The following SORCS2 variants were observed in gnomAD, a reference collection of about 807,000 sequenced individuals.
SORCS2 encodes VPS10 domain-containing receptor SorCS2.
SORCS2 carries 100 observed loss-of-function variants against 141.6 expected under a neutral mutation model. The observed-to-expected ratio is 0.71, with a 90% CI of 0.60 to 0.83. The LOEUF is 0.83. Ranked by LOEUF, SORCS2 falls within the 40% of genes least tolerant of loss-of-function variation. The pLI is 0.00. For synonymous variants in SORCS2, 789 were observed against 676.9 expected (o/e 1.17, Z -2.57); for missense variants, 1,646 against 1,560.2 (o/e 1.05, Z -0.93).
At chr4:7,714,471 C>G in intron 16 of SORCS2, 98 bp downstream of exon 16, 2 of 1,358,970 alleles carry the variant, frequency 1.5e-6, no homozygotes, top group Non-Finnish European at 2.0e-6. Context: ...GAAGCCTCAG[C>G]GCCTTTTATA....
rs187258725 is a variant in SORCS2 at position 7,539,436 on chromosome 4, G to T, written c.648+7807G>T. On this transcript the variant is annotated intron_variant, in intron 3 of 26. Transcript: ENST00000507866. ...CCCATGTCCGCTTCCTGTGGACTCT[G>T]TGTGCTTGCCAGAACACAGAAGTCC... is the stretch of plus-strand genomic sequence containing the variant. Among the ~76,000 whole-genome samples, 645 of 152,306 alleles carry T rather than the reference G, an allele frequency of 4.2e-3. 3 individuals carry two copies. The highest frequency in any genetic ancestry group is 6.3e-3 in the Non-Finnish European group (426 of 68,024).
At chr4:7,692,774 C>A (rs1029399438) in intron 11 of SORCS2, among the ~76,000 whole-genome samples, 1 of 152,120 alleles carries the variant, frequency 6.6e-6, no homozygotes, top group Admixed American at 6.5e-5. Context: ...TCTGCCAAGC[C>A]GACACACAGG....
intron 3 of SORCS2, among the ~76,000 whole-genome samples, chr4:7,601,823 C>T (rs969698851): frequency 3.3e-5 from 5 of 152,100 alleles, no homozygotes; most frequent in East Asian, 1.9e-4. Flanking sequence ...TGCCGCCTTC[C>T]GCAGTGTTTG....
intron 2 of SORCS2, among the ~76,000 whole-genome samples, chr4:7,441,670 C>G (rs1337862489): frequency 6.6e-6 from 1 of 150,638 alleles, no homozygotes; most frequent in Non-Finnish European, 1.5e-5. Context: ...CCCAGATCAC[C>G]CTCCACCTCC....
intron 8 of SORCS2, among the ~76,000 whole-genome samples, chr4:7,671,620 T>C (rs1372221469): frequency 6.6e-6 from 1 of 152,046 alleles, no homozygotes; most frequent in African/African-American, 2.4e-5. Context: ...GAAGAAGGAA[T>C]CTGAGAACTT....
At chr4:7,321,001 G>A (rs1024378589) in intron 1 of SORCS2, among the ~76,000 whole-genome samples, 5 of 148,684 alleles carry the variant, frequency 3.4e-5, no homozygotes, top group Non-Finnish European at 7.4e-5. Flanking sequence ...TGGATGAATT[G>A]TATAGTGGGG....
intron 5 of SORCS2, among the ~76,000 whole-genome samples, chr4:7,659,302 T>C (rs1202884189): frequency 6.8e-6 from 1 of 146,688 alleles, no homozygotes; most frequent in Non-Finnish European, 1.5e-5. Flanking sequence ...AAAAAAAAAA[T>C]CCGTACTCCC....
chr4:7,393,489 A>G (rs1310773227), intron 1 of SORCS2, among the ~76,000 whole-genome samples: 2 of 152,248 alleles, frequency 1.3e-5, no homozygotes, highest in African/African-American at 2.4e-5. Context: ...TCAGTGTGGC[A>G]GTGAAGAGCC....
chr4:7,209,624 C>T (rs1727944102), intron 1 of SORCS2, among the ~76,000 whole-genome samples: 1 of 151,880 alleles, frequency 6.6e-6, no homozygotes, highest in Admixed American at 6.6e-5. Flanking sequence ...CAGTCAGGCA[C>T]AGAGTTCCTG....
intron 2 of SORCS2, among the ~76,000 whole-genome samples, chr4:7,426,481 C>T (rs572445354): frequency 5.1e-4 from 78 of 152,288 alleles, no homozygotes; most frequent in Non-Finnish European, 8.1e-4. Context: ...CCCAATACTT[C>T]GGGAGGCTGA....
At chr4:7,701,014 T>G (rs1725039216) in intron 12 of SORCS2, among the ~76,000 whole-genome samples, 1 of 152,204 alleles carries the variant, frequency 6.6e-6, no homozygotes, top group Non-Finnish European at 1.5e-5. Context: ...AGATCCTGTG[T>G]GCAGCACGCC....
chr4:7,312,108 C>T (rs1222517838), intron 1 of SORCS2, among the ~76,000 whole-genome samples: 1 of 152,148 alleles, frequency 6.6e-6, no homozygotes. Flanking sequence ...ATATCTTGAC[C>T]CTGTGATCCG....
intron 1 of SORCS2, among the ~76,000 whole-genome samples, chr4:7,229,877 C>A (rs1257427382): frequency 6.8e-6 from 1 of 146,696 alleles, no homozygotes; most frequent in African/African-American, 2.6e-5. Flanking sequence ...TGGGCAGGAG[C>A]AGTGTGGTGT....
chr4:7,349,559 C>A (rs1464515178), intron 1 of SORCS2, among the ~76,000 whole-genome samples: 1 of 152,098 alleles, frequency 6.6e-6, no homozygotes, highest in African/African-American at 2.4e-5. Context: ...AAAGAGCAGT[C>A]AAGCAGGGTC....
chr4:7,241,715 G>A (rs1477790651), intron 1 of SORCS2, among the ~76,000 whole-genome samples: 2 of 152,210 alleles, frequency 1.3e-5, no homozygotes, highest in East Asian at 3.8e-4. Context: ...CCTGGTTAAG[G>A]TGGTTTTCAT....
intron 2 of SORCS2, among the ~76,000 whole-genome samples, chr4:7,471,005 A>G (rs914369187): frequency 2.9e-4 from 44 of 152,110 alleles, no homozygotes; most frequent in African/African-American, 1.0e-3. Context: ...CTCTACCAGG[A>G]GCAACAGTCT....
intron 3 of SORCS2, among the ~76,000 whole-genome samples, chr4:7,575,291 T>C (rs1479055504): frequency 6.6e-6 from 1 of 152,232 alleles, no homozygotes; most frequent in Non-Finnish European, 1.5e-5. Context: ...ACAGCCAAAG[T>C]TGATTTTAGC....
intron 18 of SORCS2, among the ~76,000 whole-genome samples, chr4:7,718,392 T>G (rs960742662): frequency 6.6e-6 from 1 of 151,596 alleles, no homozygotes; most frequent in African/African-American, 2.4e-5. Context: ...GAAAGAGACA[T>G]GAAGGAGAAT....
At chr4:7,724,886 GTGTTGGTGA>G (rs1474463805) in intron 19 of SORCS2, among the ~76,000 whole-genome samples, 2 of 48,340 alleles carry the variant, frequency 4.1e-5, no homozygotes, top group Non-Finnish European at 8.7e-5. Flanking sequence ...GATGGTGGTG[GTGTTGGTGA>G]TGGTGGTGAT....
Sources: gnomAD v4.1 joint callset for allele counts (sites outside exome capture counted in the v4.1 genomes callset) on GRCh38, gnomAD v4.1.1 for gene constraint, MANE v1.5 for transcripts, NCBI Gene and HGNC (gene_info 2026-07-23, HGNC 2026-07-21) for gene names.